Variants in NKAIN2 observed in about 807,000 individuals in gnomAD.
The protein encoded by NKAIN2 is sodium/potassium transporting ATPase interacting 2.
A neutral mutation model predicts 32.6 loss-of-function variants in NKAIN2; 14 were observed. The observed-to-expected ratio is 0.43, with a 90% CI of 0.28 to 0.67. The LOEUF is 0.67. NKAIN2 is among the 30% of genes least tolerant of loss of function. The pLI is 0.17. For synonymous variants in NKAIN2, 80 were observed against 87.2 expected (o/e 0.92, Z 0.46); for missense variants, 198 against 258.3 (o/e 0.77, Z 1.60).
At chr6:124,679,122 A>G (rs1184786449) in intron 4 of NKAIN2, among the ~76,000 whole-genome samples, 1 of 152,102 alleles carries the variant, frequency 6.6e-6, no homozygotes, top group African/African-American at 2.4e-5. Context: ...CAGTCAAGAG[A>G]GAAGCCAGTC....
intron 3 of NKAIN2, among the ~76,000 whole-genome samples, chr6:124,606,391 AC>A (rs1410916400): frequency 6.6e-6 from 1 of 152,094 alleles, no homozygotes. Flanking sequence ...GTTTACAATC[AC>A]ACCTCTATCT....
intron 1 of NKAIN2, among the ~76,000 whole-genome samples, chr6:123,923,797 G>C (rs190070774): frequency 0.01 from 1,207 of 116,354 alleles, 19 homozygotes; most frequent in African/African-American, 0.037. Flanking sequence ...GTTGTGGGGT[G>C]GGGGGAGGGG....
intron 1 of NKAIN2, among the ~76,000 whole-genome samples, chr6:124,094,555 C>G (rs1184601906): frequency 6.6e-6 from 1 of 152,048 alleles, no homozygotes; most frequent in East Asian, 1.9e-4. Context: ...TAAAGAAGAT[C>G]AGAGATCAGT....
chr6:124,128,876 T>C (rs2115001964), intron 1 of NKAIN2, among the ~76,000 whole-genome samples: 1 of 152,308 alleles, frequency 6.6e-6, no homozygotes, highest in African/African-American at 2.4e-5. Flanking sequence ...TCTGAATACG[T>C]TTCTGATCAT....
At chr6:124,010,027 G>C (rs1335215734) in intron 1 of NKAIN2, among the ~76,000 whole-genome samples, 1 of 152,082 alleles carries the variant, frequency 6.6e-6, no homozygotes, top group African/African-American at 2.4e-5. Context: ...AGTATTTAAA[G>C]TAGCATGATC....
intron 3 of NKAIN2, among the ~76,000 whole-genome samples, chr6:124,383,404 C>T (rs1241431485): frequency 6.6e-5 from 10 of 152,122 alleles, no homozygotes; most frequent in African/African-American, 2.4e-4. Flanking sequence ...TCAGTGGCTT[C>T]CTGTAAGCTA....
chr6:123,849,949 G>GGTTT (rs1775248277), intron 1 of NKAIN2, among the ~76,000 whole-genome samples: 1 of 38,734 alleles, frequency 2.6e-5, no homozygotes, highest in African/African-American at 4.1e-5. Flanking sequence ...ACTCAGGCTG[G>GGTTT]TTTTTTTTTT....
At chr6:124,091,550 A>AT (rs34006919) in intron 1 of NKAIN2, among the ~76,000 whole-genome samples, 2 of 152,060 alleles carry the variant, frequency 1.3e-5, no homozygotes, top group African/African-American at 4.8e-5. Flanking sequence ...TAATACATAC[A>AT]TTTTTGTACA....
intron 3 of NKAIN2, among the ~76,000 whole-genome samples, chr6:124,529,192 G>T (rs191045620): frequency 6.6e-6 from 1 of 152,218 alleles, no homozygotes; most frequent in Admixed American, 6.5e-5. Context: ...TGACATTGAT[G>T]TATACAGAAC....
intron 3 of NKAIN2, among the ~76,000 whole-genome samples, chr6:124,632,415 G>A (rs953839066): frequency 2.0e-5 from 3 of 152,088 alleles, no homozygotes; most frequent in Non-Finnish European, 4.4e-5. Flanking sequence ...ATTTTGCCCA[G>A]CACCCCCATC....
At chr6:123,888,915 T>C (rs939418682) in intron 1 of NKAIN2, among the ~76,000 whole-genome samples, 2 of 152,144 alleles carry the variant, frequency 1.3e-5, no homozygotes, top group Non-Finnish European at 2.9e-5. Context: ...CTTGAGCTAT[T>C]TTCAGCTCTG....
chr6:124,569,645 T>C (rs2114914408), intron 3 of NKAIN2, among the ~76,000 whole-genome samples: 2 of 152,314 alleles, frequency 1.3e-5, no homozygotes, highest in Middle Eastern at 6.8e-3. Flanking sequence ...GTTGCCACCA[T>C]GTAAGAAGTA....
chr6:124,439,930 A>C (rs1453616196), intron 3 of NKAIN2, among the ~76,000 whole-genome samples: 2 of 151,950 alleles, frequency 1.3e-5, no homozygotes, highest in Non-Finnish European at 2.9e-5. Flanking sequence ...CTATGCAGGA[A>C]ATTTACTGGA....
chr6:124,336,463 G>A (rs980151470), intron 2 of NKAIN2, among the ~76,000 whole-genome samples: 2 of 152,116 alleles, frequency 1.3e-5, no homozygotes, highest in Non-Finnish European at 2.9e-5. Flanking sequence ...GCCTTTCTAT[G>A]TGTCTAATGT....
chr6:124,526,092 GC>G (rs1779301667), intron 3 of NKAIN2, among the ~76,000 whole-genome samples: 2 of 152,030 alleles, frequency 1.3e-5, no homozygotes, highest in South Asian at 4.2e-4. Context: ...AGTAGAATAT[GC>G]AATGGGAATC....
chr6:124,406,656 C>T (rs1167060002), intron 3 of NKAIN2, among the ~76,000 whole-genome samples: 1 of 151,908 alleles, frequency 6.6e-6, no homozygotes, highest in Non-Finnish European at 1.5e-5. Context: ...GCAAAACTGC[C>T]AAGCAGTTTT....
intron 1 of NKAIN2, among the ~76,000 whole-genome samples, chr6:124,215,159 A>C (rs545966086): frequency 6.6e-6 from 1 of 152,330 alleles, no homozygotes; most frequent in East Asian, 1.9e-4. Context: ...AGAAAAGAGC[A>C]CTTTAGAACT....
At chr6:124,136,805 A>G (rs1786815446) in intron 1 of NKAIN2, among the ~76,000 whole-genome samples, 2 of 152,286 alleles carry the variant, frequency 1.3e-5, no homozygotes, top group South Asian at 2.1e-4. Context: ...AAAATCCAGC[A>G]TCTCTTTATG....
chr6:124,548,802 G>A (rs1780185694), intron 3 of NKAIN2, among the ~76,000 whole-genome samples: 1 of 152,182 alleles, frequency 6.6e-6, no homozygotes. Flanking sequence ...GATTAAGGAA[G>A]CCGAGAGAAG....
Sources: gnomAD v4.1 joint callset for allele counts (sites outside exome capture counted in the v4.1 genomes callset) on GRCh38, gnomAD v4.1.1 for gene constraint, MANE v1.5 for transcripts, NCBI Gene and HGNC (gene_info 2026-07-23, HGNC 2026-07-21) for gene names.